NUBPL: variants seen among roughly 807,000 people sequenced by gnomAD.
NUBPL encodes NUBP iron-sulfur cluster assembly factor, mitochondrial.
A neutral mutation model predicts 45.7 loss-of-function variants in NUBPL; 31 were observed. That is an observed-to-expected ratio of 0.68 (90% CI 0.51 to 0.92). The LOEUF is 0.92. NUBPL is among the 40% of genes least tolerant of loss of function. The pLI is 0.00. For missense variants in NUBPL, 401 were observed against 398.7 expected (o/e 1.01, Z -0.05); for synonymous variants, 144 against 140.9 (o/e 1.02, Z -0.15).
intron 7 of NUBPL, among the ~76,000 whole-genome samples, chr14:31,812,294 C>G (rs193162560): frequency 6.6e-6 from 1 of 151,942 alleles, no homozygotes; most frequent in South Asian, 2.1e-4. Context: ...GTGGTGGGCT[C>G]CACCTAGTTC....
chr14:31,712,409 C>G (rs1472426632), intron 6 of NUBPL, among the ~76,000 whole-genome samples: 1 of 152,250 alleles, frequency 6.6e-6, no homozygotes, highest in African/African-American at 2.4e-5. Flanking sequence ...GCCCAGCAGG[C>G]ACTGGCTGGT....
intron 4 of NUBPL, among the ~76,000 whole-genome samples, chr14:31,635,907 G>A (rs1319899700): frequency 4.6e-5 from 7 of 152,164 alleles, no homozygotes; most frequent in African/African-American, 7.2e-5. Context: ...TTATTGGTGT[G>A]TAAGAATGCT....
intron 6 of NUBPL, among the ~76,000 whole-genome samples, chr14:31,727,418 G>A (rs2037949562): frequency 6.6e-6 from 1 of 152,166 alleles, no homozygotes; most frequent in Non-Finnish European, 1.5e-5. Context: ...GGAGGGGTTG[G>A]TGGAATTAGT....
At chr14:31,569,191 T>TTTTGTA in intron 3 of NUBPL, among the ~76,000 whole-genome samples, 1 of 152,052 alleles carries the variant, frequency 6.6e-6, no homozygotes, top group Non-Finnish European at 1.5e-5. Context: ...ATTGAGTTTT[T>TTTTGTA]TTTGTTTTTG....
chr14:31,571,537 C>T (rs2139463524), intron 3 of NUBPL, among the ~76,000 whole-genome samples: 1 of 152,032 alleles, frequency 6.6e-6, no homozygotes, highest in South Asian at 2.1e-4. Context: ...GCAACCTCTG[C>T]CTCCTGGGTT....
chr14:31,703,577 C>T (rs1157939067), intron 6 of NUBPL, among the ~76,000 whole-genome samples: 1 of 152,158 alleles, frequency 6.6e-6, no homozygotes, highest in Non-Finnish European at 1.5e-5. Flanking sequence ...TGGATGGCCG[C>T]AGACAGAGAG....
intron 3 of NUBPL, among the ~76,000 whole-genome samples, chr14:31,568,115 C>G (rs1051575767): frequency 1.3e-5 from 2 of 151,892 alleles, no homozygotes; most frequent in African/African-American, 4.8e-5. Flanking sequence ...GGTTTTTTTC[C>G]TAGTGATTTT....
intron 6 of NUBPL, among the ~76,000 whole-genome samples, chr14:31,704,883 C>T (rs1268269406): frequency 1.3e-5 from 2 of 152,086 alleles, no homozygotes; most frequent in African/African-American, 4.8e-5. Flanking sequence ...GACCCTTGTG[C>T]TGAGTGTTAC....
chr14:31,793,051 T>G (rs979277604), intron 7 of NUBPL, among the ~76,000 whole-genome samples: 1 of 152,214 alleles, frequency 6.6e-6, no homozygotes, highest in Non-Finnish European at 1.5e-5. Context: ...TTCCTTATCA[T>G]TGACTTTAGA....
At chr14:31,635,107 G>T (rs866074100) in intron 4 of NUBPL, among the ~76,000 whole-genome samples, 4 of 147,022 alleles carry the variant, frequency 2.7e-5, no homozygotes, top group Admixed American at 6.8e-5. Flanking sequence ...GATCCCATTT[G>T]TCAATTTTGC....
At chr14:31,668,214 G>A (rs943935071) in intron 4 of NUBPL, among the ~76,000 whole-genome samples, 7 of 152,206 alleles carry the variant, frequency 4.6e-5, no homozygotes, top group Non-Finnish European at 7.3e-5. Flanking sequence ...TTATCTTTAC[G>A]TCCCTGACTG....
chr14:31,695,675 TAATGG>T (rs1454400779), intron 6 of NUBPL, among the ~76,000 whole-genome samples: 6 of 152,202 alleles, frequency 3.9e-5, no homozygotes, highest in Admixed American at 3.9e-4. Context: ...CGTCCTTTCT[TAATGG>T]AATCATGCAG....
chr14:31,562,300 T>C lies in NUBPL; in HGVS notation c.256+85T>C, dbSNP rs1466695543. The C allele has an allele frequency of 4.6e-6, 6 of 1,306,090 alleles. No homozygotes were observed. The Admixed American group carries it at 7.0e-5, about 15-fold the overall frequency. The allele number at this position is 1,306,090 out of a possible 1,614,324, so 80.9% of individuals were successfully genotyped here. A position where few individuals can be genotyped will look rare whatever the true frequency, so the allele number is the denominator to read the frequency against. On this transcript the variant is annotated intron_variant, in intron 2 of 10. Coordinates refer to ENST00000281081, the MANE Select transcript of NUBPL (RefSeq NM_025152.3). ...ACTATTGAAATTATAGTTTTGTGTT[T>C]TAAAAATTTATTTGTGAAGTTCCTA...
intron 4 of NUBPL, among the ~76,000 whole-genome samples, chr14:31,672,154 A>AT (rs1860236544): frequency 6.6e-6 from 1 of 152,054 alleles, no homozygotes; most frequent in African/African-American, 2.4e-5. Flanking sequence ...GATTAATGCA[A>AT]TTTTTCATCT....
intron 3 of NUBPL, among the ~76,000 whole-genome samples, chr14:31,583,805 G>GA (rs1463415638): frequency 6.6e-6 from 1 of 152,180 alleles, no homozygotes; most frequent in Non-Finnish European, 1.5e-5. Flanking sequence ...TGGAAATGGA[G>GA]AAGGAGGTAG....
At position 31,561,537 on chromosome 14, in the gene NUBPL, G is replaced by A; in HGVS notation, c.98G>A (p.Cys33Tyr). 7.2e-7 allele frequency: 1 copy of A among 1,380,710 alleles called. No homozygotes were observed. The highest frequency in any genetic ancestry group is 9.4e-7 in the Non-Finnish European group (1 of 1,059,802). The allele number at this position is 1,380,710 out of a possible 1,614,324, so 85.5% of individuals were successfully genotyped here. Residue 33 changes from cysteine to tyrosine, a missense_variant, in exon 1 of 11, where the codon TGT (cysteine) becomes TAT (tyrosine). Transcript: ENST00000281081. Reference sequence around the variant, plus strand: ...CTTGGGGGAAGCCGAGCGATGGTTTGTGGGCGCCAGGTCCGTGGTGCTGCA... The same window carrying A: ...CTTGGGGGAAGCCGAGCGATGGTTTATGGGCGCCAGGTCCGTGGTGCTGCA... ...APLGGSRAMVCGRQLSGAGSE... is the reference protein window; with the variant it reads ...APLGGSRAMVYGRQLSGAGSE...
intron 4 of NUBPL, chr14:31,662,005 C>A (rs1266201986): frequency 1.3e-5 from 2 of 152,028 alleles, no homozygotes; most frequent in African/African-American, 4.8e-5. Flanking sequence ...TTATGACATT[C>A]TTTTTAATGT....
intron 6 of NUBPL, among the ~76,000 whole-genome samples, chr14:31,783,840 A>G (rs2039237831): frequency 6.6e-6 from 1 of 152,240 alleles, no homozygotes; most frequent in Admixed American, 6.5e-5. Flanking sequence ...CTTTAAAGAA[A>G]TAAGAAATTG....
chr14:31,850,298 G>A, intron 10 of NUBPL, 97 bp downstream of exon 10: 1 of 879,872 alleles, frequency 1.1e-6, no homozygotes, highest in South Asian at 1.4e-5. Context: ...TATTTGCAGT[G>A]CATATATATT....
Sources: allele counts gnomAD v4.1 joint callset (sites outside exome capture counted in the v4.1 genomes callset), GRCh38; gene constraint gnomAD v4.1.1; transcripts MANE v1.5; gene names NCBI Gene and HGNC (gene_info 2026-07-23, HGNC 2026-07-21).